ASPRV1: variants seen among roughly 807,000 people sequenced by gnomAD.
The protein encoded by ASPRV1 is aspartic peptidase retroviral like 1, also known as retroviral-like aspartic protease 1.
A neutral mutation model predicts 11.0 loss-of-function variants in ASPRV1; 7 were observed. That is an observed-to-expected ratio of 0.64 (90% CI 0.36 to 1.20). The LOEUF is 1.20. Among genes scored for constraint, ASPRV1 ranks in the 50% most tolerant of loss-of-function variants. ASPRV1 has a pLI of 0.02. For synonymous variants in ASPRV1, 136 were observed against 138.4 expected, an observed-to-expected ratio of 0.98 and a Z score of 0.12; for missense variants, 299 against 320.0, an observed-to-expected ratio of 0.93 and a Z score of 0.50.
the ASPRV1 span, among the ~76,000 whole-genome samples, chr2:69,985,793 G>A: frequency 6.6e-6 from 1 of 152,128 alleles, no homozygotes; most frequent in African/African-American, 2.4e-5. Context: ...TGCTGTAGAC[G>A]AGGTGGTGAA....
At chr2:70,054,437 C>T in the ASPRV1 span, among the ~76,000 whole-genome samples, 19 of 149,582 alleles carry the variant, frequency 1.3e-4, no homozygotes, top group Admixed American at 4.0e-4. Flanking sequence ...AAAATTAGCC[C>T]GGCGCGGTGG....
the ASPRV1 span, chr2:69,942,679 T>G: frequency 6.6e-6 from 1 of 152,232 alleles, no homozygotes; most frequent in Non-Finnish European, 1.5e-5. Context: ...CCATCATTTT[T>G]GGGGGGCCAT....
chr2:70,057,284 G>GTA, the ASPRV1 span, among the ~76,000 whole-genome samples: 1 of 151,922 alleles, frequency 6.6e-6, no homozygotes, highest in South Asian at 2.1e-4. Flanking sequence ...TTCAGAAACA[G>GTA]TATGGGTATA....
the ASPRV1 span, among the ~76,000 whole-genome samples, chr2:69,953,038 G>C: frequency 2.0e-5 from 3 of 152,232 alleles, no homozygotes; most frequent in African/African-American, 7.2e-5. Context: ...AGCGGGGTGA[G>C]ACATGAAAAC....
the ASPRV1 span, among the ~76,000 whole-genome samples, chr2:70,074,587 G>C: frequency 6.0e-4 from 91 of 151,554 alleles, no homozygotes; most frequent in African/African-American, 2.2e-3. Flanking sequence ...CAACCCCTTT[G>C]TTTAATGAAT....
At chr2:70,010,401 C>T in the ASPRV1 span, among the ~76,000 whole-genome samples, 4 of 152,016 alleles carry the variant, frequency 2.6e-5, no homozygotes, top group East Asian at 1.9e-4. Flanking sequence ...TAGGGATTTG[C>T]GTGGCAAGGG....
chr2:70,016,957 C>T, the ASPRV1 span, among the ~76,000 whole-genome samples: 1 of 151,964 alleles, frequency 6.6e-6, no homozygotes, highest in African/African-American at 2.4e-5. Context: ...TATGATACAC[C>T]ACATTAACAG....
chr2:70,074,294 C>T, the ASPRV1 span, among the ~76,000 whole-genome samples: 1 of 143,512 alleles, frequency 7.0e-6, no homozygotes, highest in Non-Finnish European at 1.5e-5. Flanking sequence ...AGAGCAACTG[C>T]TTTTTTTTTT....
At chr2:69,948,781 C>T in the ASPRV1 span, among the ~76,000 whole-genome samples, 3 of 152,278 alleles carry the variant, frequency 2.0e-5, no homozygotes, top group Admixed American at 6.5e-5. Context: ...CTGCCCACGC[C>T]CCCCGCCTCC....
the ASPRV1 span, among the ~76,000 whole-genome samples, chr2:70,065,608 A>G: frequency 6.6e-6 from 1 of 151,818 alleles, no homozygotes; most frequent in Non-Finnish European, 1.5e-5. Flanking sequence ...ATTTAAAAGC[A>G]GGGGCAGGGT....
the ASPRV1 span, among the ~76,000 whole-genome samples, chr2:70,060,752 G>A: frequency 2.6e-5 from 4 of 152,164 alleles, no homozygotes; most frequent in Non-Finnish European, 5.9e-5. Flanking sequence ...CAAGGCAGAG[G>A]CTGCAGTAAG....
chr2:69,966,222 C>A (rs1359718376), upstream of ASPRV1, among the ~76,000 whole-genome samples: 1 of 152,208 alleles, frequency 6.6e-6, no homozygotes, highest in Non-Finnish European at 1.5e-5. Flanking sequence ...TTGCCAAAAC[C>A]GGTTCTCCCC....
the ASPRV1 span, among the ~76,000 whole-genome samples, chr2:70,037,806 T>G: frequency 6.6e-6 from 1 of 152,178 alleles, no homozygotes; most frequent in Admixed American, 6.5e-5. Flanking sequence ...AAAAAAAAAA[T>G]TATCTTCTAG....
the ASPRV1 span, chr2:69,988,985 C>T: frequency 3.0e-6 from 1 of 330,810 alleles, no homozygotes; most frequent in Non-Finnish European, 6.1e-6. Context: ...CACTAAAGAA[C>T]ACTTTTTTTT....
chr2:70,062,252 C>T, the ASPRV1 span, among the ~76,000 whole-genome samples: 1 of 151,924 alleles, frequency 6.6e-6, no homozygotes, highest in African/African-American at 2.4e-5. Context: ...TTGCAGTGAG[C>T]CAAGATCGTG....
At chr2:70,051,693 G>T in the ASPRV1 span, among the ~76,000 whole-genome samples, 2 of 152,172 alleles carry the variant, frequency 1.3e-5, no homozygotes, top group Non-Finnish European at 2.9e-5. Context: ...AGAAAAAAGG[G>T]TCAGGTGTGG....
At chr2:69,961,703 G>C, upstream of ASPRV1, 1 of 1,526,806 alleles carries the variant, frequency 6.5e-7, no homozygotes, top group Non-Finnish European at 8.8e-7. Context: ...CTTTGTTCTG[G>C]AAGCTCCGCC....
the ASPRV1 span, among the ~76,000 whole-genome samples, chr2:70,083,197 T>C: frequency 6.6e-6 from 1 of 152,192 alleles, no homozygotes; most frequent in Non-Finnish European, 1.5e-5. Flanking sequence ...TCAAAGTCCA[T>C]ATCAAAAGCA....
At chr2:70,025,999 A>G in the ASPRV1 span, among the ~76,000 whole-genome samples, 1 of 152,240 alleles carries the variant, frequency 6.6e-6, no homozygotes. Flanking sequence ...GAGATGCCAC[A>G]TCATGGGCAC....
Sources: gnomAD v4.1 joint callset for allele counts (sites outside exome capture counted in the v4.1 genomes callset) on GRCh38, gnomAD v4.1.1 for gene constraint, MANE v1.5 for transcripts, NCBI Gene and HGNC (gene_info 2026-07-23, HGNC 2026-07-21) for gene names.